TRPC1: variants seen among roughly 807,000 people sequenced by gnomAD.
TRPC1 encodes the protein short transient receptor potential channel 1.
In TRPC1, 42 loss-of-function variants were observed where a neutral mutation model predicts 88.2. That is an observed-to-expected ratio of 0.48 (90% confidence interval 0.37 to 0.62). The LOEUF (loss-of-function observed/expected upper bound fraction) is 0.62. Ranked by LOEUF, TRPC1 falls within the 20% of genes least tolerant of loss-of-function variation. The pLI is 0.00. For synonymous variants in TRPC1, 288 were observed against 331.8 expected (o/e 0.87, Z 1.43); for missense variants, 699 against 957.3 (o/e 0.73, Z 3.56).
chr3:142,736,280 GCTTTTAAT>G (rs1934133922), intron 1 of TRPC1, 91 bp from the exon 2 acceptor site: 2 of 913,404 alleles, frequency 2.2e-6, no homozygotes, highest in South Asian at 2.8e-5. Flanking sequence ...ATGAGTTTAG[GCTTTTAAT>G]CTTTTAATTC....
intron 4 of TRPC1, among the ~76,000 whole-genome samples, chr3:142,757,815 TAAAA>T (rs958658334): frequency 2.6e-5 from 4 of 151,608 alleles, no homozygotes; most frequent in African/African-American, 9.7e-5. Context: ...GTATAATAAT[TAAAA>T]AAAAATTTTT....
intron 4 of TRPC1, among the ~76,000 whole-genome samples, chr3:142,749,081 G>C (rs1228954509): frequency 2.0e-4 from 30 of 152,154 alleles, no homozygotes; most frequent in Admixed American, 1.8e-3. Context: ...ATACAGTCAT[G>C]TGCTACATGA....
At chr3:142,756,356 T>G (rs1388151344) in intron 4 of TRPC1, among the ~76,000 whole-genome samples, 1 of 150,552 alleles carries the variant, frequency 6.6e-6, no homozygotes, top group Admixed American at 6.6e-5. Context: ...TAAGGTATGA[T>G]GGTTCTTTTT....
intron 7 of TRPC1, among the ~76,000 whole-genome samples, chr3:142,785,543 C>T (rs1936107037): frequency 6.6e-6 from 1 of 152,080 alleles, no homozygotes; most frequent in South Asian, 2.1e-4. Flanking sequence ...GCTCTGTCGC[C>T]CAGGCTGGAG....
chr3:142,747,283 T>C lies in TRPC1; in HGVS notation c.430-975T>C, dbSNP rs571633336. 2.1e-4 allele frequency among the ~76,000 whole-genome samples: 32 copies of C among 152,346 alleles called. No individual in the cohort carries two copies. In the South Asian group the frequency reaches 6.2e-3, roughly 30 times the overall value. ...ATATGGGTATTTTTAAAATTCTTTC[T>C]GATTTTCTACATTTTCAGATATTTT... On this transcript the variant is annotated intron_variant, in intron 3 of 12. Coordinates refer to ENST00000476941, the MANE Select transcript of TRPC1 (RefSeq NM_001251845.2).
In TRPC1 at chr3:142,763,675, G is replaced by A. The variant is rs146743865; in HGVS notation, c.633-13957G>A. Among the ~76,000 whole-genome samples, 74 of 151,942 alleles carry A rather than the reference G, an allele frequency of 4.9e-4. No homozygotes were observed. In the Middle Eastern group the frequency reaches 0.02, roughly 42 times the overall value. On this transcript the variant is annotated intron_variant, in intron 4 of 12. Transcript: ENST00000476941. Reference sequence around the variant, plus strand: ...GGACAATTGAGACCATTTACATTCAGTGTGATTGTAAATAAGTATGGACTT... The same window carrying A: ...GGACAATTGAGACCATTTACATTCAATGTGATTGTAAATAAGTATGGACTT...
At chr3:142,726,599 G>A (rs1186259356) in intron 1 of TRPC1, among the ~76,000 whole-genome samples, 3 of 152,156 alleles carry the variant, frequency 2.0e-5, no homozygotes, top group Non-Finnish European at 4.4e-5. Context: ...ACAACTTCTT[G>A]AGTTAGATTT....
At chr3:142,771,282 A>G (rs936694497) in intron 4 of TRPC1, among the ~76,000 whole-genome samples, 2 of 151,940 alleles carry the variant, frequency 1.3e-5, no homozygotes, top group African/African-American at 4.8e-5. Flanking sequence ...TCTTTTTTTG[A>G]CTGGTTTCTC....
At chr3:142,774,011 T>G (rs1407431762) in intron 4 of TRPC1, among the ~76,000 whole-genome samples, 5 of 152,202 alleles carry the variant, frequency 3.3e-5, no homozygotes, top group Non-Finnish European at 1.5e-5. Flanking sequence ...GTACATTTAT[T>G]GATGTCTGTG....
chr3:142,745,744 C>T (rs1934523895), intron 3 of TRPC1, among the ~76,000 whole-genome samples: 1 of 151,952 alleles, frequency 6.6e-6, no homozygotes, highest in African/African-American at 2.4e-5. Flanking sequence ...AAGATCATAC[C>T]TTCTTTTATT....
rs533106608 is a variant in TRPC1 at position 142,792,497 on chromosome 3, C to A, written c.1438-327C>A. Among the ~76,000 whole-genome samples, 4 of 151,678 alleles carry A rather than the reference C, an allele frequency of 2.6e-5. No individual in the cohort carries two copies. Among genetic ancestry groups the A allele is most frequent in the Admixed American group, 2.0e-4 (3 of 15,218 alleles). On this transcript the variant is annotated intron_variant, in intron 8 of 12. Coordinates refer to ENST00000476941, the MANE Select transcript of TRPC1 (RefSeq NM_001251845.2). This position sits in a 1 kb window ranked among gnomAD's most constrained non-coding sequence, Gnocchi z 4.0. ...ATTAATTGACAGCACATGTACTTAA[C>A]GTTTGTGTTGTGGAATTTAAGAAAA... is the stretch of plus-strand genomic sequence containing the variant.
At chr3:142,789,152 C>T (rs941843413) in intron 7 of TRPC1, among the ~76,000 whole-genome samples, 2 of 152,162 alleles carry the variant, frequency 1.3e-5, no homozygotes, top group Admixed American at 6.5e-5. Context: ...AATAAGGATT[C>T]GCACACATCA....
At position 142,792,358 on chromosome 3, in the gene TRPC1, T is replaced by C. The variant is rs920658035; in HGVS notation, c.1438-466T>C. ...AAACTATCCCAGGCAATGGGGACAA[T>C]TGACCACTGTGTCTAGGTACAATAA... is the stretch of plus-strand genomic sequence containing the variant. On this transcript the variant is annotated intron_variant, in intron 8 of 12. Transcript: ENST00000476941. This position sits in a 1 kb window ranked among gnomAD's most constrained non-coding sequence, Gnocchi z 4.0. Among the ~76,000 whole-genome samples the C allele has an allele frequency of 6.6e-6, 1 of 152,004 alleles. No homozygotes were observed. Among genetic ancestry groups the C allele is most frequent in the African/African-American group, 2.4e-5 (1 of 41,422 alleles).
At chr3:142,746,628 G>C (rs1934565209) in intron 3 of TRPC1, among the ~76,000 whole-genome samples, 1 of 152,132 alleles carries the variant, frequency 6.6e-6, no homozygotes, top group Non-Finnish European at 1.5e-5. Flanking sequence ...ACAATTTCAT[G>C]ATAGTATTTT....
chr3:142,802,407 A>G, intron 10 of TRPC1, 63 bp downstream of exon 10: 1 of 1,132,744 alleles, frequency 8.8e-7, no homozygotes, highest in Non-Finnish European at 1.2e-6. Context: ...CATCTTCTAT[A>G]TGAATTAGTA....
At chr3:142,760,661 T>C (rs1185017110) in intron 4 of TRPC1, among the ~76,000 whole-genome samples, 1 of 152,222 alleles carries the variant, frequency 6.6e-6, no homozygotes, top group Admixed American at 6.5e-5. Flanking sequence ...ATCTCAAAAT[T>C]GCTTTGGGTA....
At chr3:142,751,299 T>C (rs2108051654) in intron 4 of TRPC1, among the ~76,000 whole-genome samples, 1 of 152,302 alleles carries the variant, frequency 6.6e-6, no homozygotes, top group South Asian at 2.1e-4. Context: ...GGTATACCAT[T>C]TTTTAATATT....
At chr3:142,749,116 A>G (rs1934660153) in intron 4 of TRPC1, among the ~76,000 whole-genome samples, 1 of 152,216 alleles carries the variant, frequency 6.6e-6, no homozygotes, top group Admixed American at 6.5e-5. Flanking sequence ...AACAGTTCAC[A>G]TATATGACAT....
chr3:142,736,794 C>T (rs1022560513), intron 2 of TRPC1, among the ~76,000 whole-genome samples: 16 of 152,000 alleles, frequency 1.1e-4, no homozygotes, highest in South Asian at 2.1e-4. Context: ...ATGTCATTTT[C>T]CCCACATGAC....
Sources: gnomAD v4.1 joint callset for allele counts (sites outside exome capture counted in the v4.1 genomes callset) on GRCh38, gnomAD v4.1.1 for gene constraint, Gnocchi (gnomAD v3.1) non-coding constraint, MANE v1.5 for transcripts, NCBI Gene and HGNC (gene_info 2026-07-23, HGNC 2026-07-21) for gene names.